The following MYOF variants were observed in gnomAD, a reference collection of about 807,000 sequenced individuals.
MYOF encodes myoferlin.
Under a neutral mutation model 284.2 loss-of-function variants are expected in MYOF, and 244 were observed. That is an observed-to-expected ratio of 0.86 (90% CI 0.77 to 0.95). MYOF has a LOEUF of 0.95. Ranked by LOEUF, MYOF falls within the 40% of genes least tolerant of loss-of-function variation. MYOF has a pLI of 0.00. For missense variants in MYOF, 2,496 were observed against 2,560.6 expected (o/e 0.97, Z 0.54); for synonymous variants, 904 against 919.7 (o/e 0.98, Z 0.31).
intron 38 of MYOF, among the ~76,000 whole-genome samples, chr10:93,341,478 T>C (rs1409223889): frequency 1.3e-5 from 2 of 152,172 alleles, no homozygotes; most frequent in Non-Finnish European, 2.9e-5. Flanking sequence ...GGTTTCACCA[T>C]GTTGGCCAGG....
At chr10:93,402,052 T>C (rs1284400228) in intron 11 of MYOF, among the ~76,000 whole-genome samples, 180 bp downstream of exon 11, 1 of 152,178 alleles carries the variant, frequency 6.6e-6, no homozygotes, top group Admixed American at 6.5e-5. Flanking sequence ...GATAAGAGTT[T>C]AAGTAAGCTA....
At chr10:93,355,937 G>A (rs1844782967) in intron 30 of MYOF, among the ~76,000 whole-genome samples, 1 of 152,146 alleles carries the variant, frequency 6.6e-6, no homozygotes, top group Non-Finnish European at 1.5e-5. Context: ...GAAAGCAGCC[G>A]AGCAGGAAGT....
chr10:93,427,067 T>C (rs1229806327), intron 4 of MYOF, among the ~76,000 whole-genome samples: 2 of 151,062 alleles, frequency 1.3e-5, no homozygotes, highest in African/African-American at 4.8e-5. Flanking sequence ...TTTGTATTTT[T>C]AGTAGAGATG....
chr10:93,481,532 T>C (rs1254139341), intron 1 of MYOF, among the ~76,000 whole-genome samples: 2 of 152,156 alleles, frequency 1.3e-5, no homozygotes, highest in Admixed American at 1.3e-4. Context: ...CTTTCCTCAA[T>C]GAGCAATTTA....
chr10:93,357,788 C>T (rs1248548824), intron 29 of MYOF, among the ~76,000 whole-genome samples: 1 of 152,150 alleles, frequency 6.6e-6, no homozygotes, highest in East Asian at 1.9e-4. Flanking sequence ...GAAACATGAT[C>T]AAAGCCTCAG....
At chr10:93,457,096 A>C (rs918585505) in intron 1 of MYOF, among the ~76,000 whole-genome samples, 159 bp from the exon 2 acceptor site, 4 of 152,196 alleles carry the variant, frequency 2.6e-5, no homozygotes, top group African/African-American at 9.7e-5. Flanking sequence ...ACAGTTTTCC[A>C]AATGAAATGG....
intron 1 of MYOF, among the ~76,000 whole-genome samples, chr10:93,464,827 GAAC>G (rs775333284): frequency 4.6e-5 from 7 of 152,228 alleles, no homozygotes; most frequent in South Asian, 2.1e-4. Context: ...AGACAAAATA[GAAC>G]AACAAGATCT....
intron 27 of MYOF, among the ~76,000 whole-genome samples, chr10:93,363,504 A>G (rs1273350156): frequency 6.6e-6 from 1 of 152,136 alleles, no homozygotes; most frequent in Non-Finnish European, 1.5e-5. Context: ...CATCTCTACA[A>G]AAAAATAAAA....
At chr10:93,335,672 A>G (rs962485802) in intron 41 of MYOF, among the ~76,000 whole-genome samples, 22 of 149,210 alleles carry the variant, frequency 1.5e-4, no homozygotes, top group Admixed American at 2.0e-4. Flanking sequence ...AGAGATGCGG[A>G]GATGGCTCGA....
intron 16 of MYOF, among the ~76,000 whole-genome samples, chr10:93,395,825 T>C (rs1846976657): frequency 6.6e-6 from 1 of 151,656 alleles, no homozygotes; most frequent in Non-Finnish European, 1.5e-5. Flanking sequence ...AAAAATTTCA[T>C]AAAACCGCTA....
intron 16 of MYOF, among the ~76,000 whole-genome samples, chr10:93,395,478 C>T (rs1008358233): frequency 1.3e-5 from 2 of 152,168 alleles, no homozygotes; most frequent in Non-Finnish European, 1.5e-5. Flanking sequence ...ACTGTGTTAA[C>T]ATTAATTTTT....
chr10:93,401,409 A>T lies in MYOF; in HGVS notation c.1117+9T>A. 1 of 1,612,842 alleles carries T rather than the reference A, an allele frequency of 6.2e-7. No individual in the cohort carries two copies. The highest frequency in any genetic ancestry group is 8.5e-7 in the Non-Finnish European group (1 of 1,179,714). On this transcript the variant is annotated intron_variant, in intron 12 of 53. Coordinates refer to ENST00000359263, the MANE Select transcript of MYOF (RefSeq NM_013451.4). ...AACAATTCTGGGGCAAGATTAAATCAGTACATACTCTGGGGGATGTCCTCA... is the reference window on the plus strand; with the variant it reads ...AACAATTCTGGGGCAAGATTAAATCTGTACATACTCTGGGGGATGTCCTCA...
chr10:93,371,604 A>T (rs1259941286), intron 24 of MYOF, among the ~76,000 whole-genome samples: 4 of 152,234 alleles, frequency 2.6e-5, no homozygotes, highest in Non-Finnish European at 4.4e-5. Flanking sequence ...GATGTAATTT[A>T]TGTTAGTAAC....
intron 19 of MYOF, among the ~76,000 whole-genome samples, chr10:93,384,193 A>T (rs945593641): frequency 6.6e-6 from 1 of 152,232 alleles, no homozygotes; most frequent in Non-Finnish European, 1.5e-5. Context: ...TCGATGATTC[A>T]GGCAGCTGAG....
intron 46 of MYOF, among the ~76,000 whole-genome samples, chr10:93,324,718 AGC>A (rs771340379): frequency 2.0e-5 from 3 of 152,222 alleles, no homozygotes; most frequent in Non-Finnish European, 4.4e-5. Flanking sequence ...TTTTGCAATC[AGC>A]GTGTCCATAG....
rs1843586848 is a variant in MYOF, at chr10:93,335,987, A to G, written c.4497T>C (p.Asp1499=). Reference sequence around the variant, plus strand: ...ACTTGCCTCGGTACAACTTGAACGTATCTGAGAAGTCTGTCAGGCCCTCAA... The same window carrying G: ...ACTTGCCTCGGTACAACTTGAACGTGTCTGAGAAGTCTGTCAGGCCCTCAA... ...AEFEGLTDFS[D]TFKLYRGKSD... is the part of the protein sequence containing the mutation. Residue 1499 remains aspartate, a synonymous_variant, in exon 41 of 54, where the codon GAT becomes GAC. Coordinates refer to ENST00000359263, the MANE Select transcript of MYOF (RefSeq NM_013451.4). 1.2e-6 allele frequency: 2 copies of G among 1,614,220 alleles called. No homozygotes were observed. The highest frequency in any genetic ancestry group is 1.7e-6 in the Non-Finnish European group (2 of 1,180,032).
At chr10:93,432,759 G>T (rs1457961201) in intron 3 of MYOF, among the ~76,000 whole-genome samples, 1 of 152,152 alleles carries the variant, frequency 6.6e-6, no homozygotes, top group East Asian at 1.9e-4. Context: ...GTACCCTCAT[G>T]TCTCTGCTCA....
At chr10:93,404,286 A>C in intron 7 of MYOF, 67 bp from the exon 8 acceptor site, 2 of 1,525,254 alleles carry the variant, frequency 1.3e-6, no homozygotes, top group Non-Finnish European at 1.8e-6. Flanking sequence ...ATCTGATACT[A>C]TAATTTTGGG....
chr10:93,344,774 A>C (rs957199262), intron 37 of MYOF, among the ~76,000 whole-genome samples: 4 of 151,790 alleles, frequency 2.6e-5, no homozygotes, highest in African/African-American at 9.7e-5. Context: ...AAAGGAAAAG[A>C]AAAGCAGGGT....
Sources: allele counts gnomAD v4.1 joint callset (sites outside exome capture counted in the v4.1 genomes callset), GRCh38; gene constraint gnomAD v4.1.1; transcripts MANE v1.5; gene names NCBI Gene and HGNC (gene_info 2026-07-23, HGNC 2026-07-21).